Variants in PKIB observed in about 807,000 individuals in gnomAD.
PKIB encodes the protein cAMP-dependent protein kinase inhibitor beta.
In PKIB, 2 loss-of-function variants were observed where a neutral mutation model predicts 4.5. The observed-to-expected ratio is 0.44, with a 90% confidence interval of 0.18 to 1.39. The LOEUF (loss-of-function observed/expected upper bound fraction) is 1.39. PKIB is among the 40% of genes most tolerant of loss of function. The pLI, the probability that PKIB is intolerant of heterozygous loss-of-function variation, is 0.27. For synonymous variants in PKIB, 38 were observed against 36.0 expected (o/e 1.06, Z -0.20); for missense variants, 94 against 92.6 (o/e 1.02, Z -0.06).
chr6:122,472,669 G>C (rs1272160139), intron 1 of PKIB, among the ~76,000 whole-genome samples: 1 of 152,080 alleles, frequency 6.6e-6, no homozygotes, highest in African/African-American at 2.4e-5. Flanking sequence ...AAATTGCATG[G>C]GTCGAGGTGG....
intron 2 of PKIB, among the ~76,000 whole-genome samples, chr6:122,549,369 T>C (rs1466399380): frequency 1.3e-5 from 2 of 152,238 alleles, no homozygotes; most frequent in Admixed American, 6.5e-5. Context: ...ATATTTCTTT[T>C]AGACAATTGA....
intron 2 of PKIB, among the ~76,000 whole-genome samples, chr6:122,650,315 T>A (rs1161944713): frequency 6.6e-6 from 1 of 152,156 alleles, no homozygotes; most frequent in African/African-American, 2.4e-5. Flanking sequence ...ATGGTGGCAT[T>A]GAGCTCTGCA....
In PKIB at chr6:122,549,634, T is replaced by G. The variant is rs1205836036; in HGVS notation, c.-247-36287T>G. Reference sequence around the variant, plus strand: ...TTTGACTAATATATTCTCTTGCTCTTTTAAAATTAAATTTACTTTTGAAAA... The same window carrying G: ...TTTGACTAATATATTCTCTTGCTCTGTTAAAATTAAATTTACTTTTGAAAA... On this transcript the variant is annotated intron_variant, in intron 2 of 6. Coordinates refer to the PKIB transcript ENST00000392491. Among the ~76,000 whole-genome samples, 5 of 152,034 alleles carry G rather than the reference T, an allele frequency of 3.3e-5. No individual in the cohort carries two copies. The East Asian group carries it at 9.6e-4, about 29-fold the overall frequency.
intron 2 of PKIB, chr6:122,643,693 A>G (rs553366932): frequency 6.6e-6 from 1 of 152,364 alleles, no homozygotes; most frequent in Non-Finnish European, 1.5e-5. Context: ...TAAATAGCAT[A>G]GAAATTTTAA....
chr6:122,483,532 A>G (rs1342112384), intron 2 of PKIB: 1 of 151,928 alleles, frequency 6.6e-6, no homozygotes, highest in Non-Finnish European at 1.5e-5. Flanking sequence ...GGGGAAAAAA[A>G]CACAAAAGTT....
chr6:122,651,480 T>C (rs1208519205), intron 2 of PKIB, among the ~76,000 whole-genome samples: 1 of 152,198 alleles, frequency 6.6e-6, no homozygotes, highest in Non-Finnish European at 1.5e-5. Context: ...ACTGGTTCTT[T>C]AGGCAACGCA....
chr6:122,532,666 G>A (rs1381611027), intron 2 of PKIB, among the ~76,000 whole-genome samples: 1 of 152,114 alleles, frequency 6.6e-6, no homozygotes, highest in Non-Finnish European at 1.5e-5. Context: ...ATGTTTTAAA[G>A]GTTTATCCAT....
intron 2 of PKIB, among the ~76,000 whole-genome samples, chr6:122,516,018 A>T (rs777496496): frequency 5.3e-5 from 8 of 152,152 alleles, no homozygotes; most frequent in Non-Finnish European, 1.0e-4. Flanking sequence ...CGGCCTCTTC[A>T]TGAGTTTTTA....
At chr6:122,616,019 G>A (rs1774970061) in intron 1 of PKIB, among the ~76,000 whole-genome samples, 2 of 152,158 alleles carry the variant, frequency 1.3e-5, no homozygotes, top group Admixed American at 1.3e-4. Flanking sequence ...AAGATACATT[G>A]GGGTGAAGAT....
chr6:122,600,389 A>G lies in PKIB; in HGVS notation c.-161+14382A>G, dbSNP rs188158210. Among the ~76,000 whole-genome samples the G allele has an allele frequency of 1.8e-3, 277 of 152,314 alleles. 1 individual carries two copies. The highest frequency in any genetic ancestry group is 0.01 in the Middle Eastern group (3 of 294). ...GACACACCCAGGATCAATAGTTTGT[A>G]TCCATCAATCCAATTAAGTTGACAC... On this transcript the variant is annotated intron_variant, in intron 3 of 6. Coordinates refer to the PKIB transcript ENST00000392491.
At chr6:122,475,899 G>A (rs1358879700) in intron 1 of PKIB, among the ~76,000 whole-genome samples, 1 of 152,162 alleles carries the variant, frequency 6.6e-6, no homozygotes, top group Non-Finnish European at 1.5e-5. Flanking sequence ...CATCAAGGTT[G>A]ACTAAAATTA....
intron 3 of PKIB, among the ~76,000 whole-genome samples, chr6:122,599,973 ATATATCTATATCTATATC>A (rs72488702): frequency 0.031 from 4,553 of 146,912 alleles, 192 homozygotes; most frequent in African/African-American, 0.095. Context: ...AACTAATAGG[ATATATCTATATCTATATC>A]TATATCTATA....
chr6:122,601,642 G>T (rs1196394317), intron 3 of PKIB, among the ~76,000 whole-genome samples: 1 of 152,104 alleles, frequency 6.6e-6, no homozygotes, highest in Non-Finnish European at 1.5e-5. Context: ...ACATGAAGAT[G>T]ATGAGGATGA....
chr6:122,691,630 A>C (rs1206562594), intron 3 of PKIB, among the ~76,000 whole-genome samples: 1 of 151,906 alleles, frequency 6.6e-6, no homozygotes, highest in African/African-American at 2.4e-5. Flanking sequence ...TTTCCTCAAA[A>C]CAGCTAATTT....
At chr6:122,706,204 C>G (rs556332639) in intron 3 of PKIB, among the ~76,000 whole-genome samples, 2 of 152,116 alleles carry the variant, frequency 1.3e-5, no homozygotes, top group Non-Finnish European at 2.9e-5. Flanking sequence ...TGAAATATTC[C>G]TTAATCACCC....
At chr6:122,610,879 T>A (rs1237216882) in intron 1 of PKIB, among the ~76,000 whole-genome samples, 3 of 152,002 alleles carry the variant, frequency 2.0e-5, no homozygotes, top group Non-Finnish European at 4.4e-5. Context: ...GTCCTTCGGC[T>A]CTCGCGCCAG....
intron 2 of PKIB, among the ~76,000 whole-genome samples, chr6:122,645,052 C>T (rs1048154454): frequency 2.0e-5 from 3 of 152,110 alleles, no homozygotes; most frequent in Admixed American, 2.0e-4. Context: ...AGATGGCAGA[C>T]TGTTTGGAAA....
At chr6:122,668,772 T>G (rs1199406772) in intron 2 of PKIB, among the ~76,000 whole-genome samples, 1 of 152,224 alleles carries the variant, frequency 6.6e-6, no homozygotes, top group Non-Finnish European at 1.5e-5. Flanking sequence ...ACTCCCAAAC[T>G]CTTTCTTCTT....
intron 2 of PKIB, among the ~76,000 whole-genome samples, chr6:122,515,277 CTTCTGT>C (rs1381426970): frequency 1.3e-5 from 2 of 152,222 alleles, no homozygotes; most frequent in East Asian, 3.9e-4. Context: ...AATTATCTTT[CTTCTGT>C]TTCTGACTTC....
Sources: allele counts gnomAD v4.1 joint callset (sites outside exome capture counted in the v4.1 genomes callset), GRCh38; gene constraint gnomAD v4.1.1; transcripts MANE v1.5; gene names NCBI Gene and HGNC (gene_info 2026-07-23, HGNC 2026-07-21).